Variants in RAB27A observed in about 807,000 individuals in gnomAD.
RAB27A encodes the protein ras-related protein Rab-27A.
RAB27A carries 17 observed loss-of-function variants against 20.8 expected under a neutral mutation model. The ratio of observed to expected loss-of-function variants is 0.82; its 90% CI spans 0.56 to 1.23. RAB27A has a LOEUF of 1.23. Among genes scored for constraint, RAB27A ranks in the 50% most tolerant of loss-of-function variants. The pLI is 0.00. For synonymous variants in RAB27A, 85 were observed against 92.8 expected (o/e 0.92, Z 0.48); for missense variants, 277 against 266.7 (o/e 1.04, Z -0.27).
intron 5 of RAB27A, among the ~76,000 whole-genome samples, chr15:55,225,518 G>A (rs1895761702): frequency 6.6e-6 from 1 of 152,162 alleles, no homozygotes; most frequent in Non-Finnish European, 1.5e-5. Flanking sequence ...TACTGAATCA[G>A]GAATGCTGGA....
chr15:55,235,393 A>C (rs957136894), intron 2 of RAB27A, among the ~76,000 whole-genome samples: 6 of 152,162 alleles, frequency 3.9e-5, no homozygotes, highest in African/African-American at 1.4e-4. Context: ...GGTTGCAGTG[A>C]GCCAAGATTG....
At chr15:55,235,212 C>T (rs528119156) in intron 2 of RAB27A, among the ~76,000 whole-genome samples, 1 of 152,186 alleles carries the variant, frequency 6.6e-6, no homozygotes, top group East Asian at 1.9e-4. Flanking sequence ...CTTTGGGAGG[C>T]CAAGGTGGGC....
chr15:55,293,362 A>G (rs1399921403), upstream of RAB27A, among the ~76,000 whole-genome samples: 1 of 151,880 alleles, frequency 6.6e-6, no homozygotes, highest in Non-Finnish European at 1.5e-5. Flanking sequence ...ACATAATATT[A>G]TATATGGAAA....
In RAB27A at chr15:55,232,753, T is replaced by C. The variant is rs145848699; in HGVS notation, c.153+2029A>G. 1.9e-3 allele frequency among the ~76,000 whole-genome samples: 292 copies of C among 152,198 alleles called. 2 individuals are homozygous for C. The highest frequency in any genetic ancestry group is 1.5e-3 in the Admixed American group (23 of 15,288). On this transcript the variant is annotated intron_variant, in intron 3 of 6. Coordinates refer to ENST00000336787, the MANE Select transcript of RAB27A (RefSeq NM_183235.3). ...AAGAAATAATAAGCACCAGTAAAAA[T>C]GTAACTGCATAGTAAATATAAAAAA...
intron 6 of RAB27A, 120 bp downstream of exon 6, chr15:55,223,769 C>A (rs1895683911): frequency 8.1e-7 from 1 of 1,232,634 alleles, no homozygotes. Context: ...TTCAACATGC[C>A]CCAAGGCCTA....
chr15:55,302,069 C>T (rs546639482), intron 2 of RAB27A, among the ~76,000 whole-genome samples: 94 of 151,402 alleles, frequency 6.2e-4, no homozygotes, highest in South Asian at 5.0e-3. Flanking sequence ...CCCACCTATT[C>T]GGGAGGCTAA....
intron 2 of RAB27A, among the ~76,000 whole-genome samples, chr15:55,261,709 CAAAAAAAAAAAAAAA>C (rs768256540): frequency 5.4e-5 from 1 of 18,652 alleles, no homozygotes; most frequent in African/African-American, 1.4e-4. Flanking sequence ...CACTGCATCT[CAAAAAAAAAAAAAAA>C]AAAAAAAAAA....
chr15:55,281,643 G>C (rs947878336), intron 1 of RAB27A, among the ~76,000 whole-genome samples: 5 of 151,920 alleles, frequency 3.3e-5, no homozygotes, highest in African/African-American at 1.2e-4. Context: ...AGCCCAGGAT[G>C]TTGAGGTTGC....
chr15:55,272,545 C>T (rs1417730423), intron 1 of RAB27A, among the ~76,000 whole-genome samples: 2 of 152,172 alleles, frequency 1.3e-5, no homozygotes, highest in Non-Finnish European at 2.9e-5. Flanking sequence ...TATGACAATA[C>T]CAATTTTCAT....
At chr15:55,244,757 A>G (rs1013834372) in intron 2 of RAB27A, among the ~76,000 whole-genome samples, 2 of 152,226 alleles carry the variant, frequency 1.3e-5, no homozygotes, top group African/African-American at 4.8e-5. Flanking sequence ...ACAGAACATC[A>G]GCATTTATGT....
intron 2 of RAB27A, among the ~76,000 whole-genome samples, chr15:55,302,363 C>G (rs1185727567): frequency 3.9e-5 from 6 of 151,958 alleles, no homozygotes; most frequent in Non-Finnish European, 5.9e-5. Context: ...GACGGAGTCT[C>G]GTTCACTCAG....
chr15:55,206,991 CA>C (rs1198478425), intron 6 of RAB27A, among the ~76,000 whole-genome samples: 4 of 151,914 alleles, frequency 2.6e-5, no homozygotes, highest in African/African-American at 9.7e-5. Context: ...CAAGATAATA[CA>C]AAACAGACTA....
intron 6 of RAB27A, among the ~76,000 whole-genome samples, chr15:55,207,233 G>A (rs1244821002): frequency 2.0e-5 from 3 of 152,146 alleles, no homozygotes; most frequent in East Asian, 1.9e-4. Context: ...AAAATAAGAC[G>A]GTAATATCTG....
At chr15:55,281,586 C>T (rs560039978) in intron 1 of RAB27A, among the ~76,000 whole-genome samples, 72 of 152,002 alleles carry the variant, frequency 4.7e-4, no homozygotes, top group Non-Finnish European at 9.9e-4. Flanking sequence ...GTGACATGCT[C>T]CTGTGGTCCT....
intron 2 of RAB27A, among the ~76,000 whole-genome samples, chr15:55,250,725 G>T (rs1296082301): frequency 6.6e-6 from 1 of 152,166 alleles, no homozygotes; most frequent in Non-Finnish European, 1.5e-5. Context: ...GGCTATTCTG[G>T]GTTTGGGCTA....
At position 55,307,159 on chromosome 15, in the gene RAB27A, A is replaced by G. The variant is rs191152657; in HGVS notation, c.-112+6880T>C. Among the ~76,000 whole-genome samples the G allele has an allele frequency of 1.9e-3, 285 of 152,130 alleles. 4 individuals carry two copies. The highest frequency in any genetic ancestry group is 6.3e-3 in the African/African-American group (262 of 41,498). ...GGGACTTGACTAATACCATGACACC[A>G]GGGTGGAATATTTCTTTTCCCTCCT... is the stretch of plus-strand genomic sequence containing the variant. On this transcript the variant is annotated intron_variant, in intron 2 of 5. Transcript: ENST00000563262.
intron 2 of RAB27A, among the ~76,000 whole-genome samples, chr15:55,295,901 T>C (rs1216722101): frequency 6.8e-6 from 1 of 146,966 alleles, no homozygotes; most frequent in Non-Finnish European, 1.5e-5. Context: ...AACCAATACT[T>C]TTTTTTTTTT....
intron 1 of RAB27A, among the ~76,000 whole-genome samples, chr15:55,276,359 C>A (rs1897873912): frequency 6.6e-6 from 1 of 152,136 alleles, no homozygotes. Flanking sequence ...ATAAGCCAGA[C>A]ACATAAAGAA....
intron 6 of RAB27A, among the ~76,000 whole-genome samples, chr15:55,209,909 T>TATATATAC (rs1894880249): frequency 7.4e-5 from 9 of 120,806 alleles, no homozygotes; most frequent in African/African-American, 4.1e-4. Context: ...CATATGTGTG[T>TATATATAC]GTATGTATAT....
Sources: allele counts gnomAD v4.1 joint callset (sites outside exome capture counted in the v4.1 genomes callset), GRCh38; gene constraint gnomAD v4.1.1; transcripts MANE v1.5; gene names NCBI Gene and HGNC (gene_info 2026-07-23, HGNC 2026-07-21).